DNMBP: variants seen among roughly 807,000 people sequenced by gnomAD.
DNMBP encodes the protein dynamin-binding protein.
Under a neutral mutation model 150.0 loss-of-function variants are expected in DNMBP, and 87 were observed. The observed-to-expected ratio is 0.58, with a 90% CI of 0.49 to 0.69. The LOEUF (loss-of-function observed/expected upper bound fraction) is 0.69. Among genes scored for constraint, DNMBP ranks in the 30% least tolerant of loss-of-function variants. The pLI is 0.00. For synonymous variants in DNMBP, 711 were observed against 750.4 expected, an observed-to-expected ratio of 0.95 and a Z score of 0.86; for missense variants, 1,774 against 1,949.0, an observed-to-expected ratio of 0.91 and a Z score of 1.69.
intron 4 of DNMBP, chr10:99,914,003 C>T: frequency 6.6e-7 from 1 of 1,506,852 alleles, no homozygotes. Context: ...TGAGGGTAAG[C>T]AGGCGGGACA....
At chr10:99,971,365 C>T (rs1045373405) in intron 2 of DNMBP, among the ~76,000 whole-genome samples, 8 of 152,116 alleles carry the variant, frequency 5.3e-5, no homozygotes, top group Non-Finnish European at 1.2e-4. Flanking sequence ...TCCCTACCTC[C>T]CATCCTTTCT....
At chr10:99,954,518 G>T (rs1335386290) in intron 4 of DNMBP, among the ~76,000 whole-genome samples, 15 of 151,712 alleles carry the variant, frequency 9.9e-5, no homozygotes, top group Admixed American at 9.2e-4. Context: ...GTCAAGGTGG[G>T]CGGATCACCT....
intron 1 of DNMBP, among the ~76,000 whole-genome samples, chr10:99,978,747 T>G (rs1243143831): frequency 1.3e-5 from 2 of 152,094 alleles, no homozygotes; most frequent in African/African-American, 2.4e-5. Flanking sequence ...CCTGGCTAAT[T>G]TATTTACAGA....
chr10:99,895,811 G>C (rs1261870625), intron 10 of DNMBP, among the ~76,000 whole-genome samples: 1 of 152,180 alleles, frequency 6.6e-6, no homozygotes, highest in African/African-American at 2.4e-5. Flanking sequence ...CTATTTTCTG[G>C]CTTATATTTT....
At chr10:99,972,218 T>G in intron 1 of DNMBP, 84 bp from the exon 2 acceptor site, 4 of 1,297,696 alleles carry the variant, frequency 3.1e-6, no homozygotes, top group Non-Finnish European at 4.2e-6. Flanking sequence ...TGATAAAGCT[T>G]AAGATACAAA....
rs780145624 is a variant in DNMBP at position 99,990,621 on chromosome 10, AAAAG to A, written c.-10-18491_-10-18488del. ...CCCAAATTAATGAATAAAAAAAAAA[AAAAG>A]GACAAGAAAGACAGTGTGTGTATAA... On this transcript the variant is annotated intron_variant, in intron 1 of 16. Coordinates refer to ENST00000324109, the MANE Select transcript of DNMBP (RefSeq NM_015221.4). 8.1e-3 allele frequency among the ~76,000 whole-genome samples: 1,226 copies of A among 151,772 alleles called. 14 individuals are homozygous for A. The highest frequency in any genetic ancestry group is 0.044 in the Middle Eastern group (13 of 294).
chr10:99,941,150 G>A (rs942131364), intron 4 of DNMBP, among the ~76,000 whole-genome samples: 1 of 152,134 alleles, frequency 6.6e-6, no homozygotes, highest in Admixed American at 6.5e-5. Flanking sequence ...TTCCCAAAGT[G>A]CTGGGATTAC....
At chr10:99,912,543 C>T (rs1328030116) in intron 4 of DNMBP, among the ~76,000 whole-genome samples, 1 of 152,172 alleles carries the variant, frequency 6.6e-6, no homozygotes, top group African/African-American at 2.4e-5. Flanking sequence ...AAAACCCAAA[C>T]ACTTTGGTGT....
chr10:99,877,404 G>T, intron 16 of DNMBP, 68 bp from the exon 17 acceptor site: 1 of 1,338,410 alleles, frequency 7.5e-7, no homozygotes, highest in Non-Finnish European at 1.0e-6. Context: ...TTCGTGCGGT[G>T]TTGGGGAGGG....
chr10:99,905,914 G>C (rs1222586410), intron 6 of DNMBP, among the ~76,000 whole-genome samples: 1 of 152,176 alleles, frequency 6.6e-6, no homozygotes, highest in Admixed American at 6.5e-5. Context: ...GGCTGTGGGT[G>C]AGCTGTCATT....
intron 4 of DNMBP, among the ~76,000 whole-genome samples, chr10:99,934,695 C>T (rs2040204855): frequency 7.6e-6 from 1 of 131,974 alleles, no homozygotes; most frequent in South Asian, 2.4e-4. Context: ...CATTTGTAAT[C>T]TTGATTTGTC....
At chr10:99,971,872 TTA>T in intron 2 of DNMBP, 106 bp downstream of exon 2, 6 of 974,988 alleles carry the variant, frequency 6.2e-6, no homozygotes, top group Admixed American at 2.6e-5. Context: ...TTTTTTTTTT[TTA>T]AGACAGGGTC....
intron 11 of DNMBP, among the ~76,000 whole-genome samples, chr10:99,894,149 T>C (rs1005314865): frequency 1.3e-5 from 2 of 152,158 alleles, no homozygotes; most frequent in East Asian, 1.9e-4. Context: ...TGTGGTGGTG[T>C]GCACCTGTGG....
chr10:99,941,128 G>A (rs563181290), intron 4 of DNMBP, among the ~76,000 whole-genome samples: 7 of 152,050 alleles, frequency 4.6e-5, no homozygotes, highest in Admixed American at 2.6e-4. Flanking sequence ...CAAGTGCTCC[G>A]CCCGCCTCGG....
Position 99,887,400 on chromosome 10 carries a change from G to C in DNMBP, c.3286-768C>G, listed in dbSNP as rs538031672. On this transcript the variant is annotated intron_variant, in intron 12 of 16. Transcript: ENST00000324109. ...AAATTAGGCAGGTATGGTGGTGCAT[G>C]CCTGTAGTCCCAGCTCCTTGGGAGG... 2.6e-5 allele frequency among the ~76,000 whole-genome samples: 4 copies of C among 152,186 alleles called. No individual in the cohort carries two copies. The East Asian group carries it at 7.8e-4, about 30-fold the overall frequency.
At chr10:99,998,294 A>T (rs2040972668) in intron 1 of DNMBP, among the ~76,000 whole-genome samples, 1 of 151,374 alleles carries the variant, frequency 6.6e-6, no homozygotes, top group South Asian at 2.1e-4. Flanking sequence ...AAACACATTA[A>T]CGGCCGGGCG....
rs368516913 is a variant in DNMBP, at chr10:99,877,101, C to T, written c.*50G>A. ...CCTCTCGGTGGGCCGCCAGAACCCT[C>T]GGCGGACTGAAAGCAAAGGCAGCAA... On this transcript the variant is annotated 3_prime_UTR_variant, in exon 17 of 17. Transcript: ENST00000324109. 2.8e-4 allele frequency: 386 copies of T among 1,397,916 alleles called. No homozygotes were observed. Among genetic ancestry groups the T allele is most frequent in the African/African-American group, 3.6e-4 (21 of 58,596 alleles). 86.6% of individuals were successfully genotyped at this position (1,397,916 alleles called of 1,614,324 possible). A position where few individuals can be genotyped will look rare whatever the true frequency, so the allele number is the denominator to read the frequency against.
intron 4 of DNMBP, chr10:99,929,843 A>T (rs761344089): frequency 1.4e-6 from 1 of 702,924 alleles, no homozygotes; most frequent in African/African-American, 1.7e-5. Flanking sequence ...TGCTGCCCCC[A>T]TGTGCCTTTG....
chr10:99,886,379 G>GT lies in DNMBP; in HGVS notation c.3538dup (p.Thr1180AsnfsTer9). Reference sequence around the variant, plus strand: ...TTCAGCATAGCCGTGGACACAGTTGGTGAAGAGGCCCTGGGCGTACTGGTG... The same window carrying GT: ...TTCAGCATAGCCGTGGACACAGTTGGTTGAAGAGGCCCTGGGCGTACTGGTG... On this transcript the variant is annotated frameshift_variant, in exon 13 of 17. Coordinates refer to ENST00000324109, the MANE Select transcript of DNMBP (RefSeq NM_015221.4). LOFTEE classifies it high-confidence loss of function. 2 of 1,614,160 alleles carry GT rather than the reference G, an allele frequency of 1.2e-6. No individual in the cohort carries two copies. The highest frequency in any genetic ancestry group is 1.7e-6 in the Non-Finnish European group (2 of 1,180,002).
Sources: gnomAD v4.1 joint callset for allele counts (sites outside exome capture counted in the v4.1 genomes callset) on GRCh38, gnomAD v4.1.1 for gene constraint, MANE v1.5 for transcripts, NCBI Gene and HGNC (gene_info 2026-07-23, HGNC 2026-07-21) for gene names.